The following IRAK3 variants were observed in gnomAD, a reference collection of about 807,000 sequenced individuals.
IRAK3 encodes interleukin-1 receptor-associated kinase 3.
Under a neutral mutation model 56.6 loss-of-function variants are expected in IRAK3, and 57 were observed. The observed-to-expected ratio is 1.01, with a 90% CI of 0.81 to 1.26. The LOEUF is 1.26. IRAK3 is among the 50% of genes most tolerant of loss of function. IRAK3 has a pLI of 0.00. For synonymous variants in IRAK3, 258 were observed against 255.7 expected (o/e 1.01, Z -0.09); for missense variants, 703 against 719.0 (o/e 0.98, Z 0.25).
intron 11 of IRAK3, 69 bp downstream of exon 11, chr12:66,245,331 T>C: frequency 6.8e-7 from 1 of 1,465,250 alleles, no homozygotes; most frequent in Non-Finnish European, 9.6e-7. Context: ...CTAGATAAAT[T>C]GTGTATCTAA....
rs372579105 is a variant in IRAK3, at chr12:66,228,245, G to A, written c.769-7G>A. 54 of 1,607,404 alleles carry A rather than the reference G, an allele frequency of 3.4e-5. No individual in the cohort carries two copies. Among genetic ancestry groups the A allele is most frequent in the Non-Finnish European group, 7.7e-6 (9 of 1,174,054 alleles). ...TGCAACCAAACCAATTGCTGTTGTT[G>A]TTTTAGGGTGACACGGCCCCACTCC... On this transcript the variant is annotated splice_polypyrimidine_tract_variant and splice_region_variant and intron_variant, in intron 7 of 11. Transcript: ENST00000261233.
chr12:66,237,371 C>A (rs538244974), intron 8 of IRAK3, among the ~76,000 whole-genome samples: 1 of 152,300 alleles, frequency 6.6e-6, no homozygotes, highest in East Asian at 1.9e-4. Context: ...ATTATTCAGA[C>A]TTCTTTTCTG....
intron 11 of IRAK3, among the ~76,000 whole-genome samples, 192 bp from the exon 12 acceptor site, chr12:66,247,502 GT>G (rs1398683784): frequency 6.6e-6 from 1 of 152,158 alleles, no homozygotes; most frequent in Admixed American, 6.5e-5. Flanking sequence ...TTTATACCTG[GT>G]TTTAAGTCAC....
At chr12:66,243,805 G>A (rs191639710) in intron 8 of IRAK3, among the ~76,000 whole-genome samples, 35 of 152,210 alleles carry the variant, frequency 2.3e-4, no homozygotes, top group African/African-American at 6.0e-4. Flanking sequence ...TATCCTTTCC[G>A]GTTCCTGCTT....
intron 1 of IRAK3, among the ~76,000 whole-genome samples, chr12:66,195,348 C>T (rs2052440759): frequency 6.6e-6 from 1 of 152,204 alleles, no homozygotes; most frequent in Non-Finnish European, 1.5e-5. Flanking sequence ...AGACTCCCTG[C>T]TACTGCCCTT....
intron 8 of IRAK3, among the ~76,000 whole-genome samples, chr12:66,241,800 T>G (rs978966058): frequency 6.6e-6 from 1 of 152,208 alleles, no homozygotes; most frequent in Non-Finnish European, 1.5e-5. Flanking sequence ...CTCTCTGGGT[T>G]TTATGGTGTA....
intron 5 of IRAK3, among the ~76,000 whole-genome samples, chr12:66,214,694 A>G (rs557697826): frequency 2.0e-5 from 3 of 152,176 alleles, no homozygotes; most frequent in African/African-American, 7.2e-5. Flanking sequence ...GGAGCTTTTT[A>G]AAAAAATGAG....
At chr12:66,217,734 C>T (rs1052027453) in intron 6 of IRAK3, among the ~76,000 whole-genome samples, 5 of 152,162 alleles carry the variant, frequency 3.3e-5, no homozygotes, top group African/African-American at 1.2e-4. Context: ...TTCATATCTG[C>T]AGCTGTGCAG....
At chr12:66,197,668 A>C (rs2052467722) in intron 1 of IRAK3, 3 of 985,388 alleles carry the variant, frequency 3.0e-6, no homozygotes, top group Non-Finnish European at 3.6e-6. Flanking sequence ...CTGCTATTAG[A>C]AAAAATGCCT....
At chr12:66,210,048 G>A in intron 3 of IRAK3, 99 bp from the exon 4 acceptor site, 1 of 779,392 alleles carries the variant, frequency 1.3e-6, no homozygotes, top group Non-Finnish European at 2.3e-6. Context: ...GCACTCTGTT[G>A]CACTGCATAG....
Position 66,246,055 on chromosome 12 carries a change from T to TG in IRAK3, c.1314+795dup, listed in dbSNP as rs556986093. On this transcript the variant is annotated intron_variant, in intron 11 of 11. Coordinates refer to ENST00000261233, the MANE Select transcript of IRAK3 (RefSeq NM_007199.3). ...AGTCAGATCAGTAAACATAGAATGTTGGTCCAGCAAGAGAAACATGATGAT... is the reference window on the plus strand; with the variant it reads ...AGTCAGATCAGTAAACATAGAATGTTGGGTCCAGCAAGAGAAACATGATGAT... Among the ~76,000 whole-genome samples, 16 of 101,370 alleles carry TG rather than the reference T, an allele frequency of 1.6e-4. No individual in the cohort carries two copies. The East Asian group carries it at 2.4e-3, about 15-fold the overall frequency. 66.5% of individuals were successfully genotyped at this position (101,370 alleles called of 152,430 possible).
chr12:66,248,140 G>A lies in IRAK3; in HGVS notation c.1760G>A (p.Trp587Ter). 6.2e-7 allele frequency: 1 copy of A among 1,612,678 alleles called. No homozygotes were observed. Among genetic ancestry groups the A allele is most frequent in the Non-Finnish European group, 8.5e-7 (1 of 1,179,558 alleles). Residue 587 changes from tryptophan (W) to a stop codon, truncating the protein, a stop_gained, in exon 12 of 12, where the codon TGG becomes TAG. Transcript: ENST00000261233. LOFTEE classifies it high-confidence loss of function. Reference protein sequence around the residue: ...VESSCSSKFSWDEYEQYKKE With the variant: ...VESSCSSKFS ...AGCAGCTGTTCCTCCAAATTTTCCTGGGATGAATATGAACAGTACAAAAAA... is the reference window on the plus strand; with the variant it reads ...AGCAGCTGTTCCTCCAAATTTTCCTAGGATGAATATGAACAGTACAAAAAA...
At chr12:66,207,741 G>A (rs1470763918) in intron 2 of IRAK3, among the ~76,000 whole-genome samples, 3 of 151,550 alleles carry the variant, frequency 2.0e-5, no homozygotes, top group Admixed American at 6.6e-5. Context: ...TTCATCTCAA[G>A]GTATTTTCTA....
intron 6 of IRAK3, among the ~76,000 whole-genome samples, chr12:66,224,976 A>G (rs1362566319): frequency 9.9e-5 from 15 of 152,222 alleles, no homozygotes; most frequent in Admixed American, 9.8e-4. Context: ...GCATGGGTCC[A>G]TAGGTACAAC....
intron 1 of IRAK3, among the ~76,000 whole-genome samples, 171 bp from the exon 2 acceptor site, chr12:66,203,540 A>G (rs1286511370): frequency 2.0e-5 from 3 of 152,266 alleles, no homozygotes; most frequent in African/African-American, 7.2e-5. Context: ...TAAGATGTCA[A>G]CATTAGCAGA....
chr12:66,192,164 G>A (rs537541746), intron 1 of IRAK3, among the ~76,000 whole-genome samples: 1 of 152,312 alleles, frequency 6.6e-6, no homozygotes, highest in East Asian at 1.9e-4. Flanking sequence ...CATTGCTTAG[G>A]CCAAATTCTC....
In IRAK3 at chr12:66,210,476, ATGTT is replaced by A. The variant is rs2052601004; in HGVS notation, c.436+279_436+282del. ...TAGTTTTTTGTTGGTAAAATTTGCT[ATGTT>A]TGTGTGTCATGGGAAAACATTTTTA... On this transcript the variant is annotated intron_variant, in intron 4 of 11. Transcript: ENST00000261233. Among the ~76,000 whole-genome samples, 3 of 152,228 alleles carry A rather than the reference ATGTT, an allele frequency of 2.0e-5. No homozygotes were observed. In the South Asian group the frequency reaches 6.2e-4, roughly 32 times the overall value.
chr12:66,212,977 A>G (rs930166237), intron 5 of IRAK3, among the ~76,000 whole-genome samples: 2 of 152,126 alleles, frequency 1.3e-5, no homozygotes, highest in African/African-American at 4.8e-5. Context: ...GCAGCAAACC[A>G]CCGTGGCACA....
In IRAK3 at chr12:66,189,439, C is replaced by G; in HGVS notation, c.133+7C>G. The G allele has an allele frequency of 8.2e-7, 1 of 1,224,192 alleles. No individual in the cohort carries two copies. The highest frequency in any genetic ancestry group is 1.0e-6 in the Non-Finnish European group (1 of 980,810). The allele number at this position is 1,224,192 out of a possible 1,614,324, so 75.8% of individuals were successfully genotyped here. Reference sequence around the variant, plus strand: ...CTGGGCTGGCGCGGCCTGGGTGAGTCGGCGGGGACCGGCCGGGGGCGGCGG... The same window carrying G: ...CTGGGCTGGCGCGGCCTGGGTGAGTGGGCGGGGACCGGCCGGGGGCGGCGG... On this transcript the variant is annotated splice_region_variant and intron_variant, in intron 1 of 11. Transcript: ENST00000261233.
Sources: gnomAD v4.1 joint callset for allele counts (sites outside exome capture counted in the v4.1 genomes callset) on GRCh38, gnomAD v4.1.1 for gene constraint, MANE v1.5 for transcripts, NCBI Gene and HGNC (gene_info 2026-07-23, HGNC 2026-07-21) for gene names.